The following HPD variants were observed in gnomAD, a reference collection of about 807,000 sequenced individuals.
The protein encoded by HPD is 4-hydroxyphenylpyruvate dioxygenase, also known as 4-hydroxyphenylpyruvic acid oxidase.
Under a neutral mutation model 56.9 loss-of-function variants are expected in HPD, and 35 were observed. That is an observed-to-expected ratio of 0.62 (90% CI 0.47 to 0.82). The LOEUF (loss-of-function observed/expected upper bound fraction) is 0.82, where lower values mean the gene tolerates loss of function less well. Ranked by LOEUF, HPD falls within the 40% of genes least tolerant of loss-of-function variation. The probability of loss-of-function intolerance (pLI) is 0.00; values close to 1 mark genes in which losing one functional copy is unlikely to be tolerated. For synonymous variants in HPD, 186 were observed against 200.2 expected (o/e 0.93, Z 0.60); for missense variants, 442 against 506.8 (o/e 0.87, Z 1.23).
At chr12:121,864,776 C>G (rs1183683052), upstream of HPD, among the ~76,000 whole-genome samples, 3 of 151,632 alleles carry the variant, frequency 2.0e-5, no homozygotes, top group Non-Finnish European at 4.4e-5. Context: ...TGGAGTGAAC[C>G]CGGGGCGCGG....
chr12:121,861,683 C>T (rs1189783932), upstream of HPD, among the ~76,000 whole-genome samples: 2 of 152,040 alleles, frequency 1.3e-5, no homozygotes, highest in African/African-American at 2.4e-5. Context: ...GCTAATGAGC[C>T]CTTGTGAAAC....
chr12:121,849,607 C>T (rs1029307958), intron 8 of HPD, 80 bp downstream of exon 8: 12 of 942,500 alleles, frequency 1.3e-5, no homozygotes, highest in Middle Eastern at 2.1e-4. Flanking sequence ...CACACATGCG[C>T]AGTGGACATG....
At chr12:121,887,899 G>A in the HPD span, among the ~76,000 whole-genome samples, 1 of 152,114 alleles carries the variant, frequency 6.6e-6, no homozygotes, top group South Asian at 2.1e-4. Context: ...ACAGATGACC[G>A]CTGAGCCCTT....
In HPD at chr12:121,856,345, T is replaced by G; in HGVS notation, c.303A>C (p.Glu101Asp). 1.2e-6 allele frequency: 2 copies of G among 1,614,116 alleles called. No homozygotes were observed. The highest frequency in any genetic ancestry group is 1.7e-6 in the Non-Finnish European group (2 of 1,179,956). The change falls in exon 6 of 14, where the codon GAA (glutamate) becomes GAC (aspartate). Residue 101 changes from glutamate (E) to aspartate (D), a missense_variant. By Grantham distance (45) the Glu-to-Asp change is conservative (BLOSUM62 2). Transcript: ENST00000289004. ...DGVKDIAFEV[E>D]DCDYIVQKAR... ...TTACCTGCACGATGTAGTCACAATC[T>G]TCCACCTCGAACGCAATGTCCTTCA... is the stretch of plus-strand genomic sequence containing the variant.
At chr12:121,856,704 G>T (rs368749740) in intron 4 of HPD, 79 bp from the exon 5 acceptor site, 1 of 1,322,502 alleles carries the variant, frequency 7.6e-7, no homozygotes, top group East Asian at 2.3e-5. Flanking sequence ...CCTCCCTGCC[G>T]ACCCGAAACA....
At chr12:121,872,699 A>G in the HPD span, among the ~76,000 whole-genome samples, 1 of 151,856 alleles carries the variant, frequency 6.6e-6, no homozygotes, top group Non-Finnish European at 1.5e-5. Context: ...AGAACTGGCC[A>G]TATGGATTTG....
At chr12:121,857,004 T>G in intron 4 of HPD, 3 of 496,550 alleles carry the variant, frequency 6.0e-6, no homozygotes, top group Non-Finnish European at 1.1e-5. Flanking sequence ...TGCATGGCTG[T>G]ACAAAGATGC....
Position 121,857,765 on chromosome 12 carries a change from C to A in HPD, c.85G>T (p.Ala29Ser), listed in dbSNP as rs373829918. The A allele has an allele frequency of 1.4e-5, 22 of 1,613,738 alleles. No individual in the cohort carries two copies. Among genetic ancestry groups the A allele is most frequent in the Non-Finnish European group, 1.5e-5 (18 of 1,179,794 alleles). The change falls in exon 3 of 14, where the codon GCC (alanine) becomes TCC (serine). Residue 29 changes from alanine (A) to serine (S), a missense_variant. Ala to Ser is a moderately conservative substitution (Grantham distance 99, BLOSUM62 1). Coordinates refer to ENST00000289004, the MANE Select transcript of HPD (RefSeq NM_002150.3). Reference sequence around the variant, plus strand: ...CTTGCCCCGGCTTCTACCTGCTTGGCGTTGCCAACCCAGAAGGTCACAGAG... The same window carrying A: ...CTTGCCCCGGCTTCTACCTGCTTGGAGTTGCCAACCCAGAAGGTCACAGAG... ...FHSVTFWVGN[A>S]KQATSFYCSK... is the part of the protein sequence containing the mutation.
In HPD at chr12:121,839,821, G is replaced by C. The variant is rs1050095436; in HGVS notation, c.1089C>G (p.Asn363Lys). The C allele has an allele frequency of 3.1e-6, 5 of 1,614,110 alleles. No homozygotes were observed. The highest frequency in any genetic ancestry group is 4.2e-6 in the Non-Finnish European group (5 of 1,180,028). ...CGAAAGCCTTGAACAGTGAGTTGAA[G>C]TTGCCGGCTCCAAAACCCTGTGGCG... ...RHNHQGFGAG[N>K]FNSLFKAFEE... The change falls in exon 14 of 14, where the codon AAC becomes AAG. Residue 363 changes from asparagine (N) to lysine (K), a missense_variant. Coordinates refer to ENST00000289004, the MANE Select transcript of HPD (RefSeq NM_002150.3).
At chr12:121,846,974 T>A in intron 10 of HPD, 41 bp from the exon 11 acceptor site, 1 of 1,613,102 alleles carries the variant, frequency 6.2e-7, no homozygotes, top group Non-Finnish European at 8.5e-7. Context: ...ATTTGCCCCA[T>A]CACCCACATC....
intron 11 of HPD, among the ~76,000 whole-genome samples, chr12:121,844,607 G>A (rs1877513895): frequency 6.7e-6 from 1 of 149,920 alleles, no homozygotes; most frequent in South Asian, 2.1e-4. Flanking sequence ...AAAAAGGCCG[G>A]GCGAGGTGGC....
chr12:121,871,817 C>T, the HPD span, among the ~76,000 whole-genome samples: 1 of 152,074 alleles, frequency 6.6e-6, no homozygotes, highest in Non-Finnish European at 1.5e-5. Context: ...GTCTTAGTGT[C>T]CTAACTGTGC....
the HPD span, among the ~76,000 whole-genome samples, chr12:121,884,887 T>A: frequency 1.3e-5 from 2 of 152,152 alleles, no homozygotes; most frequent in Admixed American, 6.6e-5. Context: ...TCTACAAATA[T>A]ATATCTCTTT....
chr12:121,847,064 C>T lies in HPD; in HGVS notation c.747G>A (p.Lys249=). The T allele has an allele frequency of 6.2e-7, 1 of 1,614,168 alleles. No homozygotes were observed. Among genetic ancestry groups the T allele is most frequent in the Non-Finnish European group, 8.5e-7 (1 of 1,180,028 alleles). The change falls in exon 10 of 14, where the codon AAG becomes AAA. Residue 249 remains lysine (K), a synonymous_variant. Transcript: ENST00000289004. ...GGGGCGGCCTCACCTGGATCTGGGA[C>T]TTCTTCTTGCCAGGCGCTGGCTCAT... ...PINEPAPGKK[K]SQIQEYVDYN...
chr12:121,859,430 A>G (rs545952806), upstream of HPD, among the ~76,000 whole-genome samples: 1 of 152,298 alleles, frequency 6.6e-6, no homozygotes, highest in East Asian at 1.9e-4. Context: ...AGGACCTGGC[A>G]CACAGGACAC....
At chr12:121,881,034 C>T in the HPD span, among the ~76,000 whole-genome samples, 1 of 152,214 alleles carries the variant, frequency 6.6e-6, no homozygotes, top group Non-Finnish European at 1.5e-5. Flanking sequence ...CTCAGGTGAT[C>T]TGCCCACCTT....
the HPD span, among the ~76,000 whole-genome samples, chr12:121,868,850 T>G: frequency 6.6e-6 from 1 of 152,084 alleles, no homozygotes; most frequent in Non-Finnish European, 1.5e-5. Flanking sequence ...CGAATTATAG[T>G]CTTTTTATTA....
the HPD span, among the ~76,000 whole-genome samples, chr12:121,882,929 T>C: frequency 1.3e-5 from 2 of 152,002 alleles, no homozygotes; most frequent in African/African-American, 4.8e-5. Flanking sequence ...GGTTTCACCA[T>C]GTTGGCCAGG....
chr12:121,845,930 C>T (rs1177015546), intron 11 of HPD, among the ~76,000 whole-genome samples: 1 of 152,144 alleles, frequency 6.6e-6, no homozygotes, highest in African/African-American at 2.4e-5. Context: ...TAGGGCCTCA[C>T]TCTCTGTCAC....
Sources: allele counts gnomAD v4.1 joint callset (sites outside exome capture counted in the v4.1 genomes callset), GRCh38; gene constraint gnomAD v4.1.1; transcripts MANE v1.5; gene names NCBI Gene and HGNC (gene_info 2026-07-23, HGNC 2026-07-21).